The following HRC variants were observed in gnomAD, a reference collection of about 807,000 sequenced individuals.
The protein encoded by HRC is sarcoplasmic reticulum histidine-rich calcium-binding protein.
Under a neutral mutation model 61.4 loss-of-function variants are expected in HRC, and 41 were observed. The ratio of observed to expected loss-of-function variants is 0.67; its 90% CI spans 0.52 to 0.87. HRC has a LOEUF of 0.87. HRC is among the 40% of genes least tolerant of loss of function. The pLI is 0.00. For synonymous variants in HRC, 308 were observed against 326.6 expected, an observed-to-expected ratio of 0.94 and a Z score of 0.62; for missense variants, 839 against 885.8, an observed-to-expected ratio of 0.95 and a Z score of 0.67.
At position 49,153,741 on chromosome 19, in the gene HRC, A is replaced by T; in HGVS notation, c.1497T>A (p.Asp499Glu). ...EEDPGSHEED[D>E]ESSEQGEKGT... ...CTTTCTCTCCCTGCTCTGAACTTTC[A>T]TCGTCTTCCTCATGGGAGCCGGGGT... The change falls in exon 1 of 6, where the codon GAT becomes GAA. Residue 499 changes from aspartate to glutamate, a missense_variant. Asp to Glu is a conservative substitution (Grantham distance 45, BLOSUM62 2). Coordinates refer to ENST00000252825, the MANE Select transcript of HRC (RefSeq NM_002152.3). The surrounding 1 kb of genome is among the most constrained non-coding windows in gnomAD (Gnocchi z 4.8). 1 of 1,613,764 alleles carries T rather than the reference A, an allele frequency of 6.2e-7. No homozygotes were observed. Among genetic ancestry groups the T allele is most frequent in the Non-Finnish European group, 8.5e-7 (1 of 1,179,960 alleles).
Position 49,153,850 on chromosome 19 carries a change from T to C in HRC, c.1388A>G (p.His463Arg), listed in dbSNP as rs754406349. The C allele has an allele frequency of 6.8e-6, 11 of 1,614,034 alleles. No individual in the cohort carries two copies. In the South Asian group the frequency reaches 1.2e-4, roughly 18 times the overall value. ...GQRGSIKEMSHHPPGHTVVKD... is the reference protein window; with the variant it reads ...GQRGSIKEMSRHPPGHTVVKD... Reference sequence around the variant, plus strand: ...GACCACTGTGTGTCCTGGGGGGTGATGGCTCATCTCTTTGATGGACCCTCT... The same window carrying C: ...GACCACTGTGTGTCCTGGGGGGTGACGGCTCATCTCTTTGATGGACCCTCT... The change falls in exon 1 of 6, where the codon CAT becomes CGT. Residue 463 changes from histidine to arginine, a missense_variant. Transcript: ENST00000252825. This position sits in a 1 kb window ranked among gnomAD's most constrained non-coding sequence, Gnocchi z 4.8.
chr19:49,152,866 C>T (rs910213236), intron 2 of HRC, among the ~76,000 whole-genome samples: 4 of 152,104 alleles, frequency 2.6e-5, no homozygotes, highest in East Asian at 3.9e-4. Flanking sequence ...CCACCACACC[C>T]GGCCCTGCCC....
chr19:49,155,177 G>T lies in HRC; in HGVS notation c.61C>A (p.Leu21Ile), dbSNP rs777184848. ...SVLWAGVASL[L>I]LPPAMTQQLR... ...TGCTGGGTCATGGCCGGGGGGAGGA[G>T]CAGGCTGGCCACCCCAGCCCAGAGG... is the stretch of plus-strand genomic sequence containing the variant. Residue 21 changes from leucine to isoleucine, a missense_variant, in exon 1 of 6, where the codon CTC becomes ATC. Coordinates refer to ENST00000252825, the MANE Select transcript of HRC (RefSeq NM_002152.3). The surrounding 1 kb of genome is among the most constrained non-coding windows in gnomAD (Gnocchi z 4.7). 2 of 1,613,250 alleles carry T rather than the reference G, an allele frequency of 1.2e-6. No homozygotes were observed. The highest frequency in any genetic ancestry group is 1.1e-5 in the South Asian group (1 of 91,074).
At position 49,154,419 on chromosome 19, in the gene HRC, G is replaced by C; in HGVS notation, c.819C>G (p.His273Gln). 3 of 1,588,180 alleles carry C rather than the reference G, an allele frequency of 1.9e-6. No homozygotes were observed. The highest frequency in any genetic ancestry group is 2.6e-6 in the Non-Finnish European group (3 of 1,161,640). Residue 273 changes from histidine to glutamine, a missense_variant, in exon 1 of 6, where the codon CAC (histidine) becomes CAG (glutamine). Coordinates refer to ENST00000252825, the MANE Select transcript of HRC (RefSeq NM_002152.3). ...SIEYRHQAHR[H>Q]QGHGIEEDED... ...CATCCTCTTCAATCCCGTGGCCTTGGTGCCTGTGAGCCTGGTGTCTATATT... is the reference window on the plus strand; with the variant it reads ...CATCCTCTTCAATCCCGTGGCCTTGCTGCCTGTGAGCCTGGTGTCTATATT...
rs2041396290 is a variant in HRC, at chr19:49,154,398, C to T, written c.840G>A (p.Glu280=). The stretch of plus-strand genomic sequence containing the variant: ...GGTGTCCATCTGAGACATCTTCATC[C>T]TCTTCAATCCCGTGGCCTTGGTGCC... ...AHRHQGHGIE[E]DEDVSDGHHH... The change falls in exon 1 of 6, where the codon GAG becomes GAA. Residue 280 remains glutamate (E), a synonymous_variant. Transcript: ENST00000252825. The T allele has an allele frequency of 6.2e-7, 1 of 1,611,368 alleles. No individual in the cohort carries two copies. The highest frequency in any genetic ancestry group is 8.5e-7 in the Non-Finnish European group (1 of 1,179,692).
rs774433232 is a variant in HRC at position 49,153,312 on chromosome 19, C to T, written c.1851G>A (p.Glu617=). The T allele has an allele frequency of 3.1e-6, 5 of 1,613,930 alleles. No homozygotes were observed. The South Asian group carries it at 4.4e-5, about 14-fold the overall frequency. ...GGGACCCTGGCTGGTAGTTCCCATACTCCTGAGCATCCTGTGGACCTGCGG... is the reference window on the plus strand; with the variant it reads ...GGGACCCTGGCTGGTAGTTCCCATATTCCTGAGCATCCTGTGGACCTGCGG... ...GEDTGPQDAQ[E]YGNYQPGSLC... The change falls in exon 2 of 6, where the codon GAG becomes GAA. Residue 617 remains glutamate (E), a synonymous_variant. Transcript: ENST00000252825. The surrounding 1 kb of genome is among the most constrained non-coding windows in gnomAD (Gnocchi z 4.8).
rs1159013852 is a variant in HRC at position 49,152,009 on chromosome 19, GCGCAGACCGTTT to G, written c.2009_2020del (p.Glu670_Cys673del). ...AGGGCCCCGCCCATGCTCACCTGGA[GCGCAGACCGTTT>G]CGCAGACCAGCGGGCAGAGATAGCA... On this transcript the variant is annotated inframe_deletion, in exon 4 of 6. Coordinates refer to ENST00000252825, the MANE Select transcript of HRC (RefSeq NM_002152.3). The G allele has an allele frequency of 6.2e-7, 1 of 1,614,066 alleles. No homozygotes were observed. Among genetic ancestry groups the G allele is most frequent in the Non-Finnish European group, 8.5e-7 (1 of 1,180,004 alleles).
Position 49,153,678 on chromosome 19 carries a change from C to T in HRC, c.1560G>A (p.Glu520=). ...HHGSRDQEDE[E]DEEEGHGLSL... ...TGAGGCCATGACCTTCCTCCTCATC[C>T]TCCTCATCTTCCTGGTCCCGGCTGC... is the stretch of plus-strand genomic sequence containing the variant. Residue 520 remains glutamate (E), a synonymous_variant, in exon 1 of 6, where the codon GAG becomes GAA. Transcript: ENST00000252825. The surrounding 1 kb of genome is among the most constrained non-coding windows in gnomAD (Gnocchi z 4.8). 6.2e-7 allele frequency: 1 copy of T among 1,610,218 alleles called. No homozygotes were observed. Among genetic ancestry groups the T allele is most frequent in the South Asian group, 1.1e-5 (1 of 90,952 alleles).
rs781266560 is a variant in HRC at position 49,153,283 on chromosome 19, CA to C, written c.1879del (p.Cys627ValfsTer?). ...TACATTGCAGAAGGAGCAGTAGCCA[CA>C]CAGGGACCCTGGCTGGTAGTTCCCA... is the stretch of plus-strand genomic sequence containing the variant. ...EYGNYQPGSL[C>X]GYCSFCNRCT... On this transcript the variant is annotated frameshift_variant, in exon 2 of 6. Coordinates refer to ENST00000252825, the MANE Select transcript of HRC (RefSeq NM_002152.3). LOFTEE classifies it high-confidence loss of function. The surrounding 1 kb of genome is among the most constrained non-coding windows in gnomAD (Gnocchi z 4.8). The C allele has an allele frequency of 9.9e-5, 159 of 1,613,874 alleles. No homozygotes were observed. The African/African-American group carries it at 2.0e-3, about 20-fold the overall frequency.
In HRC at chr19:49,154,544, G is replaced by C. The variant is rs778017456; in HGVS notation, c.694C>G (p.His232Asp). The C allele has an allele frequency of 3.0e-5, 48 of 1,611,962 alleles. 1 individual carries two copies. The South Asian group carries it at 5.2e-4, about 17-fold the overall frequency. ...EEDEDVSDGH[H>D]HHGPSHRHQG... Reference sequence around the variant, plus strand: ...TGCCTGTGGCTGGGGCCATGATGATGGTGTCCATCTGAGACATCCTCATCC... The same window carrying C: ...TGCCTGTGGCTGGGGCCATGATGATCGTGTCCATCTGAGACATCCTCATCC... Residue 232 changes from histidine (H) to aspartate (D), a missense_variant, in exon 1 of 6, where the codon CAT becomes GAT. By Grantham distance (81) the His-to-Asp change is moderately conservative. Transcript: ENST00000252825.
rs1340615906 is a variant in HRC at position 49,154,797 on chromosome 19, C to T, written c.441G>A (p.Glu147=). 1 of 1,613,854 alleles carries T rather than the reference C, an allele frequency of 6.2e-7. No individual in the cohort carries two copies. Among genetic ancestry groups the T allele is most frequent in the Non-Finnish European group, 8.5e-7 (1 of 1,179,928 alleles). The change falls in exon 1 of 6, where the codon GAG becomes GAA. Residue 147 remains glutamate, a synonymous_variant. Transcript: ENST00000252825. ...HGSEDTEDSA[E]HRHHLPSHRS... ...TGTGGCTGGGGAGGTGGTGCCTGTG[C>T]TCAGCTGAGTCTTCCGTGTCTTCAC...
At position 49,154,132 on chromosome 19, in the gene HRC, A is replaced by G; in HGVS notation, c.1106T>C (p.Val369Ala). 2 of 1,614,058 alleles carry G rather than the reference A, an allele frequency of 1.2e-6. No individual in the cohort carries two copies. Among genetic ancestry groups the G allele is most frequent in the East Asian group, 2.2e-5 (1 of 44,884 alleles). The change falls in exon 1 of 6, where the codon GTC becomes GCC. Residue 369 changes from valine (V) to alanine (A), a missense_variant. Val to Ala is a moderately conservative substitution (Grantham distance 64). Coordinates refer to ENST00000252825, the MANE Select transcript of HRC (RefSeq NM_002152.3). ...TTCCTCATCTACAAGGCCATGGTGG[A>G]CATGTTGGGGACCCTGGTGCCAACG... ...TERWHQGPQH[V>A]HHGLVDEEEE...
At position 49,152,035 on chromosome 19, in the gene HRC, G is replaced by T. The variant is rs749182992; in HGVS notation, c.1995C>A (p.Cys665Ter). The T allele has an allele frequency of 5.0e-6, 8 of 1,614,086 alleles. No individual in the cohort carries two copies. In the Admixed American group the frequency reaches 1.0e-4, roughly 20 times the overall value. The change falls in exon 4 of 6, where the codon TGC (cysteine) becomes TGA (stop). Residue 665 changes from cysteine to a stop codon, truncating the protein, a stop_gained. Transcript: ENST00000252825. LOFTEE classifies it high-confidence loss of function. The part of the protein sequence containing the change: ...QCQHCQFCYL[C>*]PLVCETVCAP... ...CGCAGACCGTTTCGCAGACCAGCGG[G>T]CAGAGATAGCAGAACTGACAGTGCT...
Position 49,154,786 on chromosome 19 carries a change from T to C in HRC, c.452A>G (p.His151Arg). The C allele has an allele frequency of 1.2e-6, 2 of 1,613,470 alleles. No individual in the cohort carries two copies. The highest frequency in any genetic ancestry group is 1.1e-5 in the South Asian group (1 of 91,018). ...GCTGTGGCTCCTGTGGCTGGGGAGG[T>C]GGTGCCTGTGCTCAGCTGAGTCTTC... ...DTEDSAEHRH[H>R]LPSHRSHSHQ... Residue 151 changes from histidine (H) to arginine (R), a missense_variant, in exon 1 of 6, where the codon CAC (histidine) becomes CGC (arginine). Coordinates refer to ENST00000252825, the MANE Select transcript of HRC (RefSeq NM_002152.3).
In HRC at chr19:49,155,088, G is replaced by A. The variant is rs117942355; in HGVS notation, c.150C>T (p.Ser50=). 412 of 1,614,142 alleles carry A rather than the reference G, an allele frequency of 2.6e-4. 4 individuals are homozygous for A. In the Middle Eastern group the frequency reaches 5.8e-3, roughly 23 times the overall value. ...GGCGAAGCTCTGCTGATGCCTCCTC[G>A]GAGAGCCCGGCGACTCCAGTGCTGT... ...RNNSTGVAGL[S]EEASAELRHH... The change falls in exon 1 of 6, where the codon TCC becomes TCT. Residue 50 remains serine, a synonymous_variant. Transcript: ENST00000252825. The surrounding 1 kb of genome is among the most constrained non-coding windows in gnomAD (Gnocchi z 4.7).
In HRC at chr19:49,153,248, G is replaced by T; in HGVS notation, c.1902+13C>A. 2 of 1,606,306 alleles carry T rather than the reference G, an allele frequency of 1.2e-6. No individual in the cohort carries two copies. Among genetic ancestry groups the T allele is most frequent in the Non-Finnish European group, 1.7e-6 (2 of 1,173,068 alleles). On this transcript the variant is annotated intron_variant, in intron 2 of 5. Coordinates refer to ENST00000252825, the MANE Select transcript of HRC (RefSeq NM_002152.3). This position sits in a 1 kb window ranked among gnomAD's most constrained non-coding sequence, Gnocchi z 4.8. Reference sequence around the variant, plus strand: ...GGGACACCTTGGTGGGTGGATCTGGGCTGGGGACATACATTGCAGAAGGAG... The same window carrying T: ...GGGACACCTTGGTGGGTGGATCTGGTCTGGGGACATACATTGCAGAAGGAG...
At chr19:49,152,120 G>A (rs1405156998) in intron 3 of HRC, 62 bp from the exon 4 acceptor site, 4 of 1,493,558 alleles carry the variant, frequency 2.7e-6, no homozygotes, top group East Asian at 4.5e-5. Flanking sequence ...GAGTTAGGAT[G>A]GGGCCGGGAC....
chr19:49,152,515 C>T, intron 2 of HRC, 137 bp from the exon 3 acceptor site: 2 of 586,492 alleles, frequency 3.4e-6, no homozygotes. Flanking sequence ...CTGTATCTGC[C>T]CCCCAAACCA....
Position 49,153,467 on chromosome 19 carries a change from G to C in HRC, c.1771C>G (p.Leu591Val). Residue 591 changes from leucine (L) to valine (V), a missense_variant, in exon 1 of 6, where the codon CTG (leucine) becomes GTG (valine). Coordinates refer to ENST00000252825, the MANE Select transcript of HRC (RefSeq NM_002152.3). The surrounding 1 kb of genome is among the most constrained non-coding windows in gnomAD (Gnocchi z 4.8). Reference sequence around the variant, plus strand: ...CCTCCAGCCTCCTCTCTCCTGTCCAGTGGGTTGGGGATGATGGTGAAGCGG... The same window carrying C: ...CCTCCAGCCTCCTCTCTCCTGTCCACTGGGTTGGGGATGATGGTGAAGCGG... ...EPRFTIIPNPLDRREEAGGAS... is the reference protein window; with the variant it reads ...EPRFTIIPNPVDRREEAGGAS... The C allele has an allele frequency of 6.3e-7, 1 of 1,598,896 alleles. No individual in the cohort carries two copies. The highest frequency in any genetic ancestry group is 8.5e-7 in the Non-Finnish European group (1 of 1,171,988).
Sources: allele counts gnomAD v4.1 joint callset (sites outside exome capture counted in the v4.1 genomes callset), GRCh38; gene constraint gnomAD v4.1.1; non-coding constraint Gnocchi (gnomAD v3.1); transcripts MANE v1.5; gene names NCBI Gene and HGNC (gene_info 2026-07-23, HGNC 2026-07-21).